The following CNTNAP5 variants were observed in gnomAD, a reference collection of about 807,000 sequenced individuals.
The protein encoded by CNTNAP5 is contactin associated protein family member 5.
A neutral mutation model predicts 150.2 loss-of-function variants in CNTNAP5; 72 were observed. The ratio of observed to expected loss-of-function variants is 0.48; its 90% confidence interval spans 0.40 to 0.58. The LOEUF (loss-of-function observed/expected upper bound fraction) is 0.58, where lower values mean the gene tolerates loss of function less well. Ranked by LOEUF, CNTNAP5 falls within the 20% of genes least tolerant of loss-of-function variation. CNTNAP5 has a pLI of 0.00. For missense variants in CNTNAP5, 1,636 were observed against 1,626.2 expected (o/e 1.01, Z -0.10); for synonymous variants, 672 against 619.8 (o/e 1.08, Z -1.25).
At chr2:124,694,562 T>C (rs1218530810) in intron 13 of CNTNAP5, among the ~76,000 whole-genome samples, 1 of 152,166 alleles carries the variant, frequency 6.6e-6, no homozygotes. Context: ...TGTAAACACA[T>C]AGGCACAGGT....
chr2:124,524,370 C>A lies in CNTNAP5; in HGVS notation c.1395C>A (p.Leu465=), dbSNP rs970751302. Reference sequence around the variant, plus strand: ...ACGCCAGGAGGAACCGCATCACGCTCACTCTGGATGATGAAGCAGCACCCC... The same window carrying A: ...ACGCCAGGAGGAACCGCATCACGCTAACTCTGGATGATGAAGCAGCACCCC... The part of the protein sequence containing the change: ...SINARRNRIT[L]TLDDEAAPPA... The change falls in exon 9 of 24, where the codon CTC becomes CTA. Residue 465 remains leucine (L), a synonymous_variant. Transcript: ENST00000682447. 5.0e-6 allele frequency: 8 copies of A among 1,613,738 alleles called. No individual in the cohort carries two copies. The highest frequency in any genetic ancestry group is 5.9e-6 in the Non-Finnish European group (7 of 1,179,826).
intron 1 of CNTNAP5, among the ~76,000 whole-genome samples, chr2:124,150,566 C>G (rs1684381069): frequency 6.6e-6 from 1 of 152,086 alleles, no homozygotes; most frequent in Admixed American, 6.5e-5. Context: ...ATGAGGGTAC[C>G]AGCAGATTCA....
intron 1 of CNTNAP5, among the ~76,000 whole-genome samples, chr2:124,085,366 T>C (rs1682661976): frequency 6.6e-6 from 1 of 152,202 alleles, no homozygotes; most frequent in Non-Finnish European, 1.5e-5. Flanking sequence ...TCCTTTATTA[T>C]CATTTTGATG....
intron 13 of CNTNAP5, among the ~76,000 whole-genome samples, chr2:124,713,318 C>CCTTTCTTTCTTT (rs200942591): frequency 0.024 from 1,047 of 43,916 alleles, 52 homozygotes; most frequent in Middle Eastern, 0.035. Context: ...CTCTTTCTTT[C>CCTTTCTTTCTTT]CTTTCTTTCT....
intron 21 of CNTNAP5, among the ~76,000 whole-genome samples, chr2:124,898,936 T>A (rs1454639503): frequency 6.6e-6 from 1 of 151,514 alleles, no homozygotes; most frequent in Admixed American, 6.6e-5. Context: ...GACTGGAGAA[T>A]AAGTTCTGGA....
chr2:124,621,222 G>C (rs1677608019), intron 12 of CNTNAP5, among the ~76,000 whole-genome samples: 1 of 152,094 alleles, frequency 6.6e-6, no homozygotes, highest in East Asian at 1.9e-4. Flanking sequence ...ATTGTACATT[G>C]ATATGCAAAA....
chr2:124,515,793 G>T (rs577039364), intron 8 of CNTNAP5, among the ~76,000 whole-genome samples: 1 of 152,186 alleles, frequency 6.6e-6, no homozygotes, highest in African/African-American at 2.4e-5. Flanking sequence ...TGGTCCAGCT[G>T]GAGCAGGGAA....
chr2:124,394,987 G>A (rs1195721439), intron 3 of CNTNAP5, among the ~76,000 whole-genome samples: 1 of 151,898 alleles, frequency 6.6e-6, no homozygotes, highest in Non-Finnish European at 1.5e-5. Context: ...CTTATCCTAT[G>A]ACAAATGCTG....
chr2:124,842,600 C>G (rs188959978), intron 19 of CNTNAP5, among the ~76,000 whole-genome samples: 18 of 152,194 alleles, frequency 1.2e-4, no homozygotes, highest in African/African-American at 4.3e-4. Flanking sequence ...AAAGGTAAGA[C>G]AGGTTGTAGA....
At chr2:124,296,891 A>G (rs139599433) in intron 3 of CNTNAP5, among the ~76,000 whole-genome samples, 326 of 152,276 alleles carry the variant, frequency 2.1e-3, no homozygotes, top group African/African-American at 7.4e-3. Context: ...CTGCCACTCA[A>G]CAGTCCCCAG....
At chr2:124,649,817 C>A in intron 13 of CNTNAP5, among the ~76,000 whole-genome samples, 1 of 152,160 alleles carries the variant, frequency 6.6e-6, no homozygotes. Flanking sequence ...TTGTGCTATG[C>A]CTGGTACATA....
At chr2:124,170,663 A>G (rs577950917) in intron 1 of CNTNAP5, among the ~76,000 whole-genome samples, 1 of 152,304 alleles carries the variant, frequency 6.6e-6, no homozygotes, top group Admixed American at 6.5e-5. Context: ...GGTGGCGGCC[A>G]TGGGCCACGG....
At chr2:124,502,265 G>C (rs1195135957) in intron 7 of CNTNAP5, among the ~76,000 whole-genome samples, 1 of 152,060 alleles carries the variant, frequency 6.6e-6, no homozygotes, top group Admixed American at 6.6e-5. Context: ...TGAAATGAAG[G>C]GAGACTGAGG....
chr2:124,366,165 A>G (rs894325216), intron 3 of CNTNAP5, among the ~76,000 whole-genome samples: 1 of 152,162 alleles, frequency 6.6e-6, no homozygotes, highest in Admixed American at 6.5e-5. Context: ...ATTAATTAGC[A>G]TTAGTCATCT....
chr2:124,153,429 G>T (rs1684450261), intron 1 of CNTNAP5, among the ~76,000 whole-genome samples: 1 of 151,952 alleles, frequency 6.6e-6, no homozygotes, highest in Non-Finnish European at 1.5e-5. Context: ...AATACTAGAG[G>T]CTGGGTGGCT....
rs562417170 is a variant in CNTNAP5, at chr2:124,363,821, C to T, written c.382-53622C>T. ...TACGCATATGTCCAAACTCATTAAA[C>T]TGTAAACATTAAATATGTGTAGTTC... On this transcript the variant is annotated intron_variant, in intron 3 of 23. Transcript: ENST00000682447. Among the ~76,000 whole-genome samples, 3 of 152,304 alleles carry T rather than the reference C, an allele frequency of 2.0e-5. No individual in the cohort carries two copies. In the South Asian group the frequency reaches 6.2e-4, roughly 32 times the overall value.
intron 13 of CNTNAP5, among the ~76,000 whole-genome samples, chr2:124,672,096 C>A (rs912191076): frequency 6.6e-6 from 1 of 152,114 alleles, no homozygotes; most frequent in Non-Finnish European, 1.5e-5. Flanking sequence ...GGCTGGAAAC[C>A]AAGACCAAGG....
At chr2:124,444,536 A>T (rs113725189) in intron 5 of CNTNAP5, among the ~76,000 whole-genome samples, 2,022 of 152,248 alleles carry the variant, frequency 0.013, 37 homozygotes, top group African/African-American at 0.045. Flanking sequence ...CAGGGGTTGC[A>T]GTGAGCCCAG....
chr2:124,311,547 A>G (rs973426523), intron 3 of CNTNAP5, among the ~76,000 whole-genome samples: 2 of 152,212 alleles, frequency 1.3e-5, no homozygotes, highest in Admixed American at 6.5e-5. Context: ...ATTACTTCCT[A>G]AAAGTCCTTT....
Sources: gnomAD v4.1 joint callset for allele counts (sites outside exome capture counted in the v4.1 genomes callset) on GRCh38, gnomAD v4.1.1 for gene constraint, MANE v1.5 for transcripts, NCBI Gene and HGNC (gene_info 2026-07-23, HGNC 2026-07-21) for gene names.